Variants in EVI5 observed in about 807,000 individuals in gnomAD.
EVI5 encodes the protein ecotropic viral integration site 5, also known as ecotropic viral integration site 5 protein homolog.
A neutral mutation model predicts 112.0 loss-of-function variants in EVI5; 73 were observed. That is an observed-to-expected ratio of 0.65 (90% CI 0.54 to 0.79). EVI5 has a LOEUF of 0.79. Among genes scored for constraint, EVI5 ranks in the 30% least tolerant of loss-of-function variants. The pLI, the probability that EVI5 is intolerant of heterozygous loss-of-function variation, is 0.00. For missense variants in EVI5, 900 were observed against 968.8 expected (o/e 0.93, Z 0.94); for synonymous variants, 305 against 319.9 (o/e 0.95, Z 0.50).
At chr1:92,658,367 TGATAA>T (rs1663379955) in intron 13 of EVI5, among the ~76,000 whole-genome samples, 1 of 152,186 alleles carries the variant, frequency 6.6e-6, no homozygotes, top group African/African-American at 2.4e-5. Context: ...CTCTTAGATT[TGATAA>T]AAGAATTCAT....
At chr1:92,694,262 C>T in intron 8 of EVI5, 37 bp downstream of exon 8, 1 of 1,240,050 alleles carries the variant, frequency 8.1e-7, no homozygotes, top group Non-Finnish European at 1.2e-6. Flanking sequence ...TAAACTCTGT[C>T]TCAAAAAAAA....
intron 18 of EVI5, among the ~76,000 whole-genome samples, chr1:92,585,751 A>G (rs1434871349): frequency 6.6e-6 from 1 of 152,122 alleles, no homozygotes; most frequent in Non-Finnish European, 1.5e-5. Flanking sequence ...TTATTAATAT[A>G]TTAGTGTGGT....
At chr1:92,682,870 T>A (rs552867794) in intron 9 of EVI5, among the ~76,000 whole-genome samples, 1 of 152,376 alleles carries the variant, frequency 6.6e-6, no homozygotes, top group East Asian at 1.9e-4. Context: ...TGCTCATGTA[T>A]CTGCTAAAAG....
At chr1:92,615,335 T>C (rs1253086219) in intron 16 of EVI5, among the ~76,000 whole-genome samples, 1 of 152,176 alleles carries the variant, frequency 6.6e-6, no homozygotes, top group Non-Finnish European at 1.5e-5. Context: ...AAGCAGATAC[T>C]ACGCCTCAAA....
At chr1:92,607,866 T>TA (rs1650795897) in intron 16 of EVI5, 139 bp from the exon 17 acceptor site, 1 of 579,430 alleles carries the variant, frequency 1.7e-6, no homozygotes, top group Non-Finnish European at 2.9e-6. Context: ...AAATCAACAT[T>TA]AAAAAATAAG....
intron 14 of EVI5, among the ~76,000 whole-genome samples, chr1:92,633,544 T>C (rs1169162909): frequency 2.0e-5 from 3 of 152,180 alleles, no homozygotes; most frequent in Admixed American, 1.3e-4. Context: ...CCTCCATCCC[T>C]TTATTTTGAG....
intron 1 of EVI5, among the ~76,000 whole-genome samples, chr1:92,783,908 T>C (rs559778808): frequency 1.3e-5 from 2 of 152,050 alleles, no homozygotes; most frequent in Non-Finnish European, 2.9e-5. Context: ...AAAAGTTACT[T>C]ACATCAGCTC....
At chr1:92,724,212 G>T (rs766467597) in intron 2 of EVI5, among the ~76,000 whole-genome samples, 21 of 151,836 alleles carry the variant, frequency 1.4e-4, no homozygotes, top group South Asian at 4.2e-4. Context: ...GCAGCTCGGG[G>T]TCATCATCAA....
chr1:92,721,100 A>G (rs1238315678), intron 2 of EVI5, among the ~76,000 whole-genome samples: 1 of 152,206 alleles, frequency 6.6e-6, no homozygotes, highest in East Asian at 1.9e-4. Context: ...TAGTTCAACC[A>G]TTGTGGAAGA....
At chr1:92,728,413 C>T (rs1287733288) in intron 2 of EVI5, among the ~76,000 whole-genome samples, 4 of 151,290 alleles carry the variant, frequency 2.6e-5, no homozygotes, top group Middle Eastern at 3.2e-3. Context: ...CAAAGTCTCG[C>T]TCTGTCGCCC....
chr1:92,577,735 A>G (rs1008262196), intron 18 of EVI5, among the ~76,000 whole-genome samples: 4 of 152,210 alleles, frequency 2.6e-5, no homozygotes, highest in Admixed American at 1.3e-4. Flanking sequence ...GAAAGCATCA[A>G]ATATCCACTC....
chr1:92,692,607 T>C (rs1020305523), intron 9 of EVI5, among the ~76,000 whole-genome samples: 3 of 152,210 alleles, frequency 2.0e-5, no homozygotes, highest in African/African-American at 7.2e-5. Context: ...CCTAGGCTGA[T>C]TGTGAACTCC....
chr1:92,564,138 G>C (rs987074193), intron 18 of EVI5, among the ~76,000 whole-genome samples: 9 of 152,204 alleles, frequency 5.9e-5, no homozygotes, highest in African/African-American at 1.9e-4. Flanking sequence ...GGTCAGGCTG[G>C]TCTCAAACTT....
At chr1:92,638,674 C>T (rs1316082771) in intron 13 of EVI5, among the ~76,000 whole-genome samples, 1 of 152,148 alleles carries the variant, frequency 6.6e-6, no homozygotes, top group Non-Finnish European at 1.5e-5. Context: ...ATGTTAAGCA[C>T]TTTATATTCT....
At chr1:92,752,238 A>G (rs141765936) in intron 1 of EVI5, among the ~76,000 whole-genome samples, 2,674 of 152,130 alleles carry the variant, frequency 0.018, 92 homozygotes, top group African/African-American at 0.061. Flanking sequence ...ACAGTGGCAC[A>G]ATCTCAGCTC....
intron 14 of EVI5, among the ~76,000 whole-genome samples, chr1:92,634,460 C>A (rs1412721854): frequency 6.6e-6 from 1 of 152,188 alleles, no homozygotes; most frequent in Admixed American, 6.5e-5. Context: ...CTTTCTTCCA[C>A]TTGATCGAAT....
intron 18 of EVI5, among the ~76,000 whole-genome samples, chr1:92,586,252 G>A (rs974413357): frequency 7.2e-5 from 11 of 152,268 alleles, no homozygotes; most frequent in Admixed American, 5.9e-4. Context: ...TTCCTTTGGA[G>A]GGAAGTTGCT....
intron 2 of EVI5, among the ~76,000 whole-genome samples, chr1:92,710,086 C>CAAAAAAAAACA (rs1672612776): frequency 1.2e-5 from 1 of 82,786 alleles, no homozygotes. Context: ...TATTGCAAAG[C>CAAAAAAAAACA]AAAAAAAAAA....
At chr1:92,737,733 C>A (rs948984129) in intron 1 of EVI5, among the ~76,000 whole-genome samples, 4 of 152,118 alleles carry the variant, frequency 2.6e-5, no homozygotes, top group Non-Finnish European at 4.4e-5. Flanking sequence ...TCTCCACTTC[C>A]TCCACTTCAA....
Sources: gnomAD v4.1 joint callset for allele counts (sites outside exome capture counted in the v4.1 genomes callset) on GRCh38, gnomAD v4.1.1 for gene constraint, MANE v1.5 for transcripts, NCBI Gene and HGNC (gene_info 2026-07-23, HGNC 2026-07-21) for gene names.